Variants in MVK observed in about 807,000 individuals in gnomAD.
MVK encodes LH receptor mRNA-binding protein.
A neutral mutation model predicts 43.2 loss-of-function variants in MVK; 34 were observed. That is an observed-to-expected ratio of 0.79 (90% CI 0.60 to 1.05). MVK has a LOEUF of 1.05. Among genes scored for constraint, MVK ranks in the 50% least tolerant of loss-of-function variants. MVK has a pLI of 0.00. For missense variants in MVK, 395 were observed against 504.0 expected, an observed-to-expected ratio of 0.78 and a Z score of 2.07; for synonymous variants, 190 against 219.8, an observed-to-expected ratio of 0.86 and a Z score of 1.20.
chr12:109,595,190 G>A lies in MVK; in HGVS notation c.1039+9G>A. Reference sequence around the variant, plus strand: ...CACACTCCTCAAGCCAGGTATCCCGGGGGTAGGTGGGCCAGGCTGCCAGCC... The same window carrying A: ...CACACTCCTCAAGCCAGGTATCCCGAGGGTAGGTGGGCCAGGCTGCCAGCC... On this transcript the variant is annotated intron_variant, in intron 10 of 10. Transcript: ENST00000228510. This position sits in a 1 kb window ranked among gnomAD's most constrained non-coding sequence, Gnocchi z 5.9. 1 of 1,613,834 alleles carries A rather than the reference G, an allele frequency of 6.2e-7. No homozygotes were observed.
intron 3 of MVK, 139 bp from the exon 4 acceptor site, chr12:109,579,663 G>C: frequency 8.5e-7 from 1 of 1,176,702 alleles, no homozygotes; most frequent in Non-Finnish European, 1.2e-6. Flanking sequence ...GAACAGACTT[G>C]GGTGTGGGGT....
Position 109,573,812 on chromosome 12 carries a change from T to C in MVK, c.-76T>C, listed in dbSNP as rs1884779783. ...CACGGGCGCTCTGGGTTGTGGGAGT[T>C]GGGGAGCTGCTCCGGCTTCGGCGCG... is the stretch of plus-strand genomic sequence containing the variant. On this transcript the variant is annotated 5_prime_UTR_variant, in exon 1 of 11. Transcript: ENST00000228510. 3.5e-6 allele frequency: 1 copy of C among 289,698 alleles called. No homozygotes were observed. Among genetic ancestry groups the C allele is most frequent in the South Asian group, 3.7e-5 (1 of 26,686 alleles). 17.9% of individuals were successfully genotyped at this position (289,698 alleles called of 1,614,324 possible).
At chr12:109,579,137 A>ATTTTTTTT in intron 3 of MVK, 1 of 324,192 alleles carries the variant, frequency 3.1e-6, no homozygotes, top group South Asian at 2.5e-5. Context: ...TAAGACTACA[A>ATTTTTTTT]TTTTTTTTTT....
At chr12:109,577,934 G>T (rs1288535375) in intron 3 of MVK, among the ~76,000 whole-genome samples, 1 of 152,234 alleles carries the variant, frequency 6.6e-6, no homozygotes, top group Non-Finnish European at 1.5e-5. Context: ...CTGAGAACCA[G>T]CTGCAACTTG....
Position 109,573,862 on chromosome 12 carries a change from C to T in MVK, c.-26C>T. The stretch of plus-strand genomic sequence containing the variant: ...GGAGGGGCGGCGGCCGGGGAGGCGG[C>T]GGCGGCGGCAGGTGAGAGGCCGGGG... On this transcript the variant is annotated 5_prime_UTR_variant, in exon 1 of 11. Coordinates refer to ENST00000228510, the MANE Select transcript of MVK (RefSeq NM_000431.4). 2 of 202,352 alleles carry T rather than the reference C, an allele frequency of 9.9e-6. No homozygotes were observed. Among genetic ancestry groups the T allele is most frequent in the Non-Finnish European group, 2.0e-5 (2 of 102,066 alleles). The allele number at this position is 202,352 out of a possible 1,614,324, so 12.5% of individuals were successfully genotyped here.
intron 7 of MVK, chr12:109,588,916 C>T (rs72648018): frequency 0.011 from 1,738 of 152,366 alleles, 16 homozygotes; most frequent in Non-Finnish European, 0.017. Flanking sequence ...AGGAGGGGTC[C>T]GATTGGATGG....
At chr12:109,589,332 G>C (rs72648021) in intron 7 of MVK, 8,143 of 152,296 alleles carry the variant, frequency 0.053, 300 homozygotes, top group Non-Finnish European at 0.082. Flanking sequence ...ACCAACCTTT[G>C]CTGCCTGCTG....
intron 9 of MVK, among the ~76,000 whole-genome samples, chr12:109,594,609 A>G (rs927844492): frequency 1.3e-5 from 2 of 152,242 alleles, no homozygotes; most frequent in Non-Finnish European, 2.9e-5. Context: ...TCCATCTGCC[A>G]CGTAATATCT....
At chr12:109,589,386 G>A (rs1319793801) in intron 7 of MVK, 1 of 152,198 alleles carries the variant, frequency 6.6e-6, no homozygotes, top group East Asian at 1.9e-4. Flanking sequence ...GAGAAGCTGG[G>A]GGCCAGACTC....
intron 3 of MVK, among the ~76,000 whole-genome samples, chr12:109,577,253 G>A (rs527635463): frequency 1.1e-4 from 17 of 152,344 alleles, no homozygotes; most frequent in Non-Finnish European, 1.8e-4. Context: ...ACCTGCCCCA[G>A]AGCTGACGTG....
chr12:109,582,824 C>T (rs575303329), intron 5 of MVK, among the ~76,000 whole-genome samples: 1 of 152,164 alleles, frequency 6.6e-6, no homozygotes, highest in African/African-American at 2.4e-5. Flanking sequence ...ATCCCAGGCA[C>T]GCTGCCACCT....
At chr12:109,573,756 G>A (rs1448684525), upstream of MVK, 4 of 513,640 alleles carry the variant, frequency 7.8e-6, no homozygotes, top group Non-Finnish European at 1.4e-5. Context: ...TGATTGGCTG[G>A]CCTGAAGTAC....
intron 3 of MVK, among the ~76,000 whole-genome samples, chr12:109,577,555 C>T (rs1426548484): frequency 1.3e-5 from 2 of 152,092 alleles, no homozygotes; most frequent in African/African-American, 4.8e-5. Context: ...AGCAGTTTTC[C>T]ACTTTCCCAC....
intron 5 of MVK, 24 bp from the exon 6 acceptor site, chr12:109,585,998 A>G (rs370964591): frequency 1.9e-6 from 3 of 1,599,948 alleles, no homozygotes; most frequent in African/African-American, 2.7e-5. Context: ...CTGCCACAGT[A>G]AAGATGAACA....
intron 3 of MVK, among the ~76,000 whole-genome samples, chr12:109,578,613 A>G (rs1885066922): frequency 6.6e-6 from 1 of 152,200 alleles, no homozygotes; most frequent in African/African-American, 2.4e-5. Flanking sequence ...TCCTAGCCCC[A>G]AAGTCCAGGC....
Position 109,581,533 on chromosome 12 carries a change from CGG to C in MVK, c.513_514del (p.Asp172LeufsTer14). The part of the protein sequence containing the change: ...CEEIPNPLKD[G>X]DCVNRWTKED... ...AGGAGATCCCAAACCCGCTGAAGGA[CGG>C]GGATTGCGTCAACAGGTAACCATGG... is the stretch of plus-strand genomic sequence containing the variant. On this transcript the variant is annotated frameshift_variant, in exon 5 of 11. Transcript: ENST00000228510. LOFTEE classifies it high-confidence loss of function. The C allele has an allele frequency of 6.2e-7, 1 of 1,614,068 alleles. No individual in the cohort carries two copies. The highest frequency in any genetic ancestry group is 8.5e-7 in the Non-Finnish European group (1 of 1,179,986).
rs781460563 is a variant in MVK at position 109,581,548 on chromosome 12, C to T, written c.525C>T (p.Asn175=). ...PNPLKDGDCV[N]RWTKEDLELI... ...CGCTGAAGGACGGGGATTGCGTCAACAGGTAACCATGGTCCTTACCTGGCC... is the reference window on the plus strand; with the variant it reads ...CGCTGAAGGACGGGGATTGCGTCAATAGGTAACCATGGTCCTTACCTGGCC... Residue 175 remains asparagine, a splice_region_variant and synonymous_variant, in exon 5 of 11, where the codon AAC becomes AAT. Coordinates refer to ENST00000228510, the MANE Select transcript of MVK (RefSeq NM_000431.4). 3.7e-6 allele frequency: 6 copies of T among 1,614,204 alleles called. No individual in the cohort carries two copies. The South Asian group carries it at 6.6e-5, about 18-fold the overall frequency.
rs572807460 is a variant in MVK, at chr12:109,574,737, T to C, written c.-14-72T>C. On this transcript the variant is annotated intron_variant, in intron 1 of 10. Coordinates refer to ENST00000228510, the MANE Select transcript of MVK (RefSeq NM_000431.4). Reference sequence around the variant, plus strand: ...GTTATTATGATGGGCTTGAACTAGGTGTTCTAAGATCTCTTCCTGCTGGTT... The same window carrying C: ...GTTATTATGATGGGCTTGAACTAGGCGTTCTAAGATCTCTTCCTGCTGGTT... 3.6e-5 allele frequency: 45 copies of C among 1,233,046 alleles called. 2 individuals are homozygous for C. The African/African-American group carries it at 5.2e-4, about 14-fold the overall frequency. 76.4% of individuals were successfully genotyped at this position (1,233,046 alleles called of 1,614,324 possible). A position where few individuals can be genotyped will look rare whatever the true frequency, so the allele number is the denominator to read the frequency against.
chr12:109,580,156 G>A (rs539485680), intron 4 of MVK, among the ~76,000 whole-genome samples: 10 of 152,300 alleles, frequency 6.6e-5, no homozygotes, highest in Admixed American at 3.9e-4. Flanking sequence ...AGGCTGGAAC[G>A]CAGTGGTATG....
Sources: gnomAD v4.1 joint callset for allele counts (sites outside exome capture counted in the v4.1 genomes callset) on GRCh38, gnomAD v4.1.1 for gene constraint, Gnocchi (gnomAD v3.1) non-coding constraint, MANE v1.5 for transcripts, NCBI Gene and HGNC (gene_info 2026-07-23, HGNC 2026-07-21) for gene names.